Variants in CLIC5 observed in about 807,000 individuals in gnomAD.
CLIC5 encodes CLIC family member 5, also known as chloride intracellular channel protein 5.
CLIC5 carries 20 observed loss-of-function variants against 24.7 expected under a neutral mutation model. The observed-to-expected ratio is 0.81, with a 90% CI of 0.57 to 1.18. The LOEUF is 1.18. Ranked by LOEUF, CLIC5 falls within the 50% of genes most tolerant of loss-of-function variation. The pLI, the probability that CLIC5 is intolerant of heterozygous loss-of-function variation, is 0.00. For synonymous variants in CLIC5, 159 were observed against 135.6 expected (o/e 1.17, Z -1.20); for missense variants, 341 against 326.1 (o/e 1.05, Z -0.35).
chr6:45,957,009 A>G (rs989494447), intron 1 of CLIC5, among the ~76,000 whole-genome samples: 14 of 152,314 alleles, frequency 9.2e-5, no homozygotes, highest in Non-Finnish European at 1.5e-4. Flanking sequence ...GAAGCACTTG[A>G]CAGGTACCAG....
intron 1 of CLIC5, among the ~76,000 whole-genome samples, chr6:45,981,708 G>A (rs2127414606): frequency 6.6e-6 from 1 of 152,272 alleles, no homozygotes; most frequent in Admixed American, 6.5e-5. Context: ...TCTGTCTGAT[G>A]AAATACAGGG....
intron 1 of CLIC5, among the ~76,000 whole-genome samples, chr6:46,053,739 G>A (rs1244834509): frequency 2.6e-5 from 4 of 152,136 alleles, no homozygotes; most frequent in Non-Finnish European, 4.4e-5. Context: ...TTTATACTAT[G>A]GCTATTTTTA....
intron 1 of CLIC5, among the ~76,000 whole-genome samples, chr6:45,983,092 T>C (rs1308497213): frequency 1.3e-5 from 2 of 152,086 alleles, no homozygotes; most frequent in Non-Finnish European, 2.9e-5. Flanking sequence ...ACAAAGGAGG[T>C]GGGCTTCCTT....
chr6:45,913,945 A>G (rs980153409), intron 5 of CLIC5: 12 of 563,512 alleles, frequency 2.1e-5, no homozygotes, highest in Non-Finnish European at 2.9e-5. Flanking sequence ...CGACTATTAC[A>G]CATATTAAGC....
At chr6:45,962,114 T>C (rs1764865586) in intron 1 of CLIC5, among the ~76,000 whole-genome samples, 1 of 150,804 alleles carries the variant, frequency 6.6e-6, no homozygotes, top group Non-Finnish European at 1.5e-5. Flanking sequence ...ATCTACTATA[T>C]ATGGAGAAAC....
At chr6:46,110,990 T>A in the CLIC5 span, among the ~76,000 whole-genome samples, 1 of 152,206 alleles carries the variant, frequency 6.6e-6, no homozygotes, top group African/African-American at 2.4e-5. Context: ...AGAGAAAAAA[T>A]TATGTTTGAG....
chr6:46,103,016 T>C, the CLIC5 span, among the ~76,000 whole-genome samples: 1 of 152,286 alleles, frequency 6.6e-6, no homozygotes, highest in African/African-American at 2.4e-5. Context: ...ATTAATTCTT[T>C]CTCAAAGTAT....
chr6:46,012,617 A>G lies in CLIC5; in HGVS notation c.63+2863T>C, dbSNP rs146855417. ...AAATAAGGTATCAGGCCTGACATATAGGTATTTGGAAAAGAGCAAGAAATT... is the reference window on the plus strand; with the variant it reads ...AAATAAGGTATCAGGCCTGACATATGGGTATTTGGAAAAGAGCAAGAAATT... On this transcript the variant is annotated intron_variant, in intron 1 of 5. Coordinates refer to ENST00000339561, the MANE Select transcript of CLIC5 (RefSeq NM_016929.5). Among the ~76,000 whole-genome samples, 6 of 152,364 alleles carry G rather than the reference A, an allele frequency of 3.9e-5. No homozygotes were observed. The East Asian group carries it at 1.2e-3, about 29-fold the overall frequency.
At chr6:45,903,818 A>G (rs1762575579) in intron 5 of CLIC5, among the ~76,000 whole-genome samples, 1 of 152,160 alleles carries the variant, frequency 6.6e-6, no homozygotes, top group African/African-American at 2.4e-5. Flanking sequence ...TAGAATTACC[A>G]ACAATTTTTC....
At chr6:45,967,180 C>T (rs1403147649) in intron 1 of CLIC5, among the ~76,000 whole-genome samples, 1 of 152,186 alleles carries the variant, frequency 6.6e-6, no homozygotes, top group Non-Finnish European at 1.5e-5. Context: ...TATCTCCACT[C>T]TCAACTATAT....
At chr6:46,112,261 T>C in the CLIC5 span, among the ~76,000 whole-genome samples, 3 of 152,314 alleles carry the variant, frequency 2.0e-5, no homozygotes, top group South Asian at 6.2e-4. Flanking sequence ...TTCCCCTGTC[T>C]GGACCTAGAA....
At chr6:46,074,346 T>C (rs779643120) in intron 1 of CLIC5, among the ~76,000 whole-genome samples, 44 of 152,166 alleles carry the variant, frequency 2.9e-4, no homozygotes, top group Non-Finnish European at 4.6e-4. Flanking sequence ...ATGACCCCTA[T>C]AACCACATCA....
chr6:46,043,038 A>G (rs1767852663), intron 1 of CLIC5, among the ~76,000 whole-genome samples: 1 of 152,178 alleles, frequency 6.6e-6, no homozygotes, highest in African/African-American at 2.4e-5. Context: ...ATATTTCAGA[A>G]GTGTGTAATT....
intron 6 of CLIC5, among the ~76,000 whole-genome samples, chr6:45,890,536 A>G (rs1008869886): frequency 6.6e-6 from 1 of 152,202 alleles, no homozygotes; most frequent in Non-Finnish European, 1.5e-5. Context: ...TAGAATGACT[A>G]TATGATCCAG....
chr6:46,080,457 CACTCAGTTA>C, upstream of CLIC5: 1 of 550,396 alleles, frequency 1.8e-6, no homozygotes, highest in East Asian at 2.9e-5. Flanking sequence ...AAAGCTTACA[CACTCAGTTA>C]ACTCCTTCAC....
chr6:45,904,648 CTTTCCTT>C (rs1762603236), intron 5 of CLIC5, among the ~76,000 whole-genome samples: 3 of 126,170 alleles, frequency 2.4e-5, no homozygotes, highest in Non-Finnish European at 3.5e-5. Flanking sequence ...TTTTCTGTCC[CTTTCCTT>C]CCCTCCCTAC....
rs1766292374 is a variant in CLIC5, at chr6:45,999,941, G to A, written c.63+15539C>T. Reference sequence around the variant, plus strand: ...TTTTTTTTGTATTTTTAGTAGAGACGGGGTTTCACCTTGTTAGCCAGGATG... The same window carrying A: ...TTTTTTTTGTATTTTTAGTAGAGACAGGGTTTCACCTTGTTAGCCAGGATG... On this transcript the variant is annotated intron_variant, in intron 1 of 5. Coordinates refer to ENST00000339561, the MANE Select transcript of CLIC5 (RefSeq NM_016929.5). Among the ~76,000 whole-genome samples the A allele has an allele frequency of 3.4e-5, 2 of 58,542 alleles. 1 individual carries two copies. The highest frequency in any genetic ancestry group is 1.4e-4 in the African/African-American group (2 of 13,848). 38.4% of individuals were successfully genotyped at this position (58,542 alleles called of 152,430 possible).
chr6:46,110,234 C>T, the CLIC5 span, among the ~76,000 whole-genome samples: 2 of 152,190 alleles, frequency 1.3e-5, no homozygotes, highest in Non-Finnish European at 2.9e-5. Flanking sequence ...TGTTGGATTA[C>T]CAATAAATAG....
intron 1 of CLIC5, among the ~76,000 whole-genome samples, chr6:46,002,590 T>C (rs1766402261): frequency 6.6e-6 from 1 of 152,166 alleles, no homozygotes; most frequent in Admixed American, 6.5e-5. Flanking sequence ...GATAAAGTAA[T>C]CCCAGATAAT....
Sources: allele counts gnomAD v4.1 joint callset (sites outside exome capture counted in the v4.1 genomes callset), GRCh38; gene constraint gnomAD v4.1.1; transcripts MANE v1.5; gene names NCBI Gene and HGNC (gene_info 2026-07-23, HGNC 2026-07-21).